Variants in CNTNAP2 observed in about 807,000 individuals in gnomAD.
CNTNAP2 encodes the protein contactin-associated protein-like 2.
Under a neutral mutation model 155.2 loss-of-function variants are expected in CNTNAP2, and 98 were observed. The ratio of observed to expected loss-of-function variants is 0.63; its 90% CI spans 0.54 to 0.75. CNTNAP2 has a LOEUF of 0.75. Ranked by LOEUF, CNTNAP2 falls within the 30% of genes least tolerant of loss-of-function variation. The pLI, the probability that CNTNAP2 is intolerant of heterozygous loss-of-function variation, is 0.00. For missense variants in CNTNAP2, 1,727 were observed against 1,688.1 expected, an observed-to-expected ratio of 1.02 and a Z score of -0.40; for synonymous variants, 651 against 631.2, an observed-to-expected ratio of 1.03 and a Z score of -0.47.
At chr7:146,712,696 G>A (rs1326208017) in intron 1 of CNTNAP2, among the ~76,000 whole-genome samples, 2 of 150,860 alleles carry the variant, frequency 1.3e-5, no homozygotes, top group Admixed American at 1.3e-4. Flanking sequence ...AAAATAAATA[G>A]TCTAACATCT....
intron 15 of CNTNAP2, among the ~76,000 whole-genome samples, chr7:148,098,464 A>AAAAAAG: frequency 6.7e-6 from 1 of 149,816 alleles, no homozygotes; most frequent in African/African-American, 2.5e-5. Flanking sequence ...AAAAAAAAAA[A>AAAAAAG]AAAAAGCATG....
At chr7:146,501,854 G>A (rs1797304854) in intron 1 of CNTNAP2, among the ~76,000 whole-genome samples, 2 of 152,058 alleles carry the variant, frequency 1.3e-5, no homozygotes, top group African/African-American at 4.8e-5. Context: ...ACTTAGACAA[G>A]GGTAGAAGGG....
At chr7:146,353,257 C>G (rs1794949074) in intron 1 of CNTNAP2, among the ~76,000 whole-genome samples, 1 of 152,186 alleles carries the variant, frequency 6.6e-6, no homozygotes, top group African/African-American at 2.4e-5. Context: ...TAGTCCTCAT[C>G]TTTCTTGACT....
At chr7:146,935,596 C>T (rs528084870) in intron 3 of CNTNAP2, among the ~76,000 whole-genome samples, 3 of 152,302 alleles carry the variant, frequency 2.0e-5, no homozygotes, top group African/African-American at 7.2e-5. Context: ...TCATGATAAG[C>T]TGTCTAGCAA....
At chr7:148,300,486 T>A (rs1384219732) in intron 21 of CNTNAP2, among the ~76,000 whole-genome samples, 1 of 150,648 alleles carries the variant, frequency 6.6e-6, no homozygotes, top group Non-Finnish European at 1.5e-5. Flanking sequence ...CTTTTCTCAA[T>A]AAGATTAAGG....
chr7:146,789,828 C>A (rs1367442653), intron 2 of CNTNAP2, among the ~76,000 whole-genome samples: 1 of 150,800 alleles, frequency 6.6e-6, no homozygotes, highest in Non-Finnish European at 1.5e-5. Context: ...TAAGTCAGTA[C>A]AAAGTGAAAG....
At chr7:146,564,571 A>G (rs993403229) in intron 1 of CNTNAP2, among the ~76,000 whole-genome samples, 6 of 148,640 alleles carry the variant, frequency 4.0e-5, no homozygotes, top group African/African-American at 1.5e-4. Context: ...ATATAATGCA[A>G]CATGTAATAT....
intron 1 of CNTNAP2, among the ~76,000 whole-genome samples, chr7:146,180,624 A>G (rs1015696311): frequency 2.6e-5 from 4 of 152,104 alleles, no homozygotes; most frequent in African/African-American, 7.2e-5. Flanking sequence ...TTCTTCCTCA[A>G]TCAACAGCCC....
rs754005565 is a variant in CNTNAP2, at chr7:148,383,765, A to G, written c.3592A>G (p.Asn1198Asp). The G allele has an allele frequency of 6.2e-7, 1 of 1,614,194 alleles. No individual in the cohort carries two copies. The highest frequency in any genetic ancestry group is 1.7e-5 in the Admixed American group (1 of 60,010). ...APLKAALRQT[N>D]ASAHVHIQGE... ...TCTCAAGGCCGCCTTGAGGCAGACA[A>G]ACGCCTCGGCTCACGTCCACATCCA... The change falls in exon 22 of 24, where the codon AAC becomes GAC. Residue 1198 changes from asparagine (N) to aspartate (D), a missense_variant. Coordinates refer to ENST00000361727, the MANE Select transcript of CNTNAP2 (RefSeq NM_014141.6).
intron 1 of CNTNAP2, among the ~76,000 whole-genome samples, chr7:146,547,152 C>T (rs1442185829): frequency 4.0e-5 from 6 of 151,878 alleles, no homozygotes; most frequent in Non-Finnish European, 5.9e-5. Context: ...ATTCTACTCC[C>T]AATGGCATCT....
chr7:146,578,341 C>G (rs796904434), intron 1 of CNTNAP2, among the ~76,000 whole-genome samples: 23 of 152,150 alleles, frequency 1.5e-4, no homozygotes, highest in African/African-American at 5.3e-4. Flanking sequence ...TTGAAGCACT[C>G]AATATTTAAT....
intron 8 of CNTNAP2, among the ~76,000 whole-genome samples, chr7:147,215,379 G>A (rs1803245552): frequency 6.6e-6 from 1 of 152,046 alleles, no homozygotes. Flanking sequence ...ACAACCTCTG[G>A]CAACAATTGA....
intron 8 of CNTNAP2, among the ~76,000 whole-genome samples, chr7:147,166,052 T>G (rs887905881): frequency 7.9e-5 from 12 of 152,032 alleles, no homozygotes; most frequent in Admixed American, 6.6e-4. Flanking sequence ...GGAAAAGAAG[T>G]CATTACATGA....
At chr7:146,407,195 CTT>C (rs1239857304) in intron 1 of CNTNAP2, among the ~76,000 whole-genome samples, 1 of 152,210 alleles carries the variant, frequency 6.6e-6, no homozygotes, top group Admixed American at 6.5e-5. Context: ...ACATGAATAA[CTT>C]TATTATTTCC....
intron 1 of CNTNAP2, among the ~76,000 whole-genome samples, chr7:146,755,409 T>A (rs190759792): frequency 6.6e-6 from 1 of 152,020 alleles, no homozygotes. Context: ...TAAATTGTTA[T>A]TGGTATACAG....
chr7:146,733,234 G>A (rs1380244432), intron 1 of CNTNAP2, among the ~76,000 whole-genome samples: 1 of 152,018 alleles, frequency 6.6e-6, no homozygotes, highest in Non-Finnish European at 1.5e-5. Context: ...CAGACCCTTA[G>A]TAATTTGAAA....
intron 3 of CNTNAP2, among the ~76,000 whole-genome samples, chr7:146,932,274 G>T (rs1457235852): frequency 2.6e-5 from 4 of 152,080 alleles, no homozygotes; most frequent in African/African-American, 9.7e-5. Flanking sequence ...ATGCAAGGCT[G>T]GTTCAATATA....
At chr7:148,333,616 G>A (rs996213728) in intron 21 of CNTNAP2, among the ~76,000 whole-genome samples, 1 of 152,176 alleles carries the variant, frequency 6.6e-6, no homozygotes, top group Non-Finnish European at 1.5e-5. Context: ...CATTGGTGGA[G>A]TCCACCTGAA....
Position 147,073,732 on chromosome 7 carries a change from A to G in CNTNAP2, c.550+29678A>G, listed in dbSNP as rs1373398079. 2.0e-5 allele frequency among the ~76,000 whole-genome samples: 3 copies of G among 152,194 alleles called. No individual in the cohort carries two copies. In the South Asian group the frequency reaches 6.2e-4, roughly 31 times the overall value. On this transcript the variant is annotated intron_variant, in intron 4 of 23. Transcript: ENST00000361727. ...AGGAAGACAGAAATGGGCACCAGGG[A>G]TGAGCACTGCTAAGAGATCATGCAA...
Sources: gnomAD v4.1 joint callset for allele counts (sites outside exome capture counted in the v4.1 genomes callset) on GRCh38, gnomAD v4.1.1 for gene constraint, MANE v1.5 for transcripts, NCBI Gene and HGNC (gene_info 2026-07-23, HGNC 2026-07-21) for gene names.